SH3BGRL2: variants seen among roughly 807,000 people sequenced by gnomAD.
SH3BGRL2 encodes SH3 domain-binding glutamic acid-rich-like protein 2.
SH3BGRL2 carries 21 observed loss-of-function variants against 14.8 expected under a neutral mutation model. That is an observed-to-expected ratio of 1.42 (90% CI 1.01 to 2.05). The LOEUF (loss-of-function observed/expected upper bound fraction) is 2.05. SH3BGRL2 is among the 30% of genes most tolerant of loss of function. The pLI is 0.00. For synonymous variants in SH3BGRL2, 50 were observed against 47.8 expected, an observed-to-expected ratio of 1.05 and a Z score of -0.19; for missense variants, 147 against 130.8, an observed-to-expected ratio of 1.12 and a Z score of -0.61.
At chr6:79,592,969 G>T in the SH3BGRL2 span, among the ~76,000 whole-genome samples, 1 of 152,136 alleles carries the variant, frequency 6.6e-6, no homozygotes, top group Admixed American at 6.6e-5. Flanking sequence ...CCTTCTGCTG[G>T]GCGTAGAACA....
chr6:79,606,911 A>G, the SH3BGRL2 span, among the ~76,000 whole-genome samples: 2 of 152,064 alleles, frequency 1.3e-5, no homozygotes, highest in African/African-American at 4.8e-5. Flanking sequence ...GATAGACATA[A>G]ATATTTTTCC....
chr6:79,648,345 T>C (rs911436036), intron 1 of SH3BGRL2, among the ~76,000 whole-genome samples: 12 of 143,508 alleles, frequency 8.4e-5, no homozygotes, highest in Middle Eastern at 3.6e-3. Context: ...ATATATATAA[T>C]ATATATATAT....
the SH3BGRL2 span, among the ~76,000 whole-genome samples, chr6:79,584,244 G>A: frequency 6.6e-6 from 1 of 152,104 alleles, no homozygotes; most frequent in African/African-American, 2.4e-5. Flanking sequence ...AGTAGTCAAA[G>A]CTCACATGAG....
the SH3BGRL2 span, among the ~76,000 whole-genome samples, chr6:79,622,824 T>C: frequency 2.6e-5 from 4 of 152,194 alleles, no homozygotes. Flanking sequence ...TTTAAAGAAA[T>C]GCAAATTGCT....
At chr6:79,695,146 C>T (rs1420045465) in intron 2 of SH3BGRL2, among the ~76,000 whole-genome samples, 2 of 152,170 alleles carry the variant, frequency 1.3e-5, no homozygotes, top group Non-Finnish European at 2.9e-5. Context: ...ACTTGGCTAA[C>T]TCTATTCATC....
chr6:79,634,161 A>G (rs968913194), intron 1 of SH3BGRL2, among the ~76,000 whole-genome samples: 1 of 152,220 alleles, frequency 6.6e-6, no homozygotes, highest in Non-Finnish European at 1.5e-5. Flanking sequence ...ATAGATTTAA[A>G]CAATCTATTT....
At chr6:79,606,848 T>A in the SH3BGRL2 span, among the ~76,000 whole-genome samples, 25 of 152,292 alleles carry the variant, frequency 1.6e-4, no homozygotes, top group African/African-American at 5.5e-4. Flanking sequence ...GAAAACAATT[T>A]CAGCTTTAGA....
chr6:79,572,209 C>T, the SH3BGRL2 span, among the ~76,000 whole-genome samples: 1 of 152,096 alleles, frequency 6.6e-6, no homozygotes, highest in Non-Finnish European at 1.5e-5. Context: ...CAATTTATTT[C>T]CTCATTATGT....
chr6:79,665,622 A>G (rs1166754656), intron 1 of SH3BGRL2, among the ~76,000 whole-genome samples: 1 of 152,228 alleles, frequency 6.6e-6, no homozygotes, highest in Non-Finnish European at 1.5e-5. Context: ...AAGAAAACCA[A>G]AGTTAAAAGT....
chr6:79,563,519 G>A, the SH3BGRL2 span, among the ~76,000 whole-genome samples: 1 of 152,060 alleles, frequency 6.6e-6, no homozygotes, highest in Non-Finnish European at 1.5e-5. Flanking sequence ...TAGGAAATGT[G>A]ACACAAGCAG....
chr6:79,652,748 T>A (rs1031577369), intron 1 of SH3BGRL2, among the ~76,000 whole-genome samples: 2 of 145,092 alleles, frequency 1.4e-5, no homozygotes, highest in East Asian at 1.9e-4. Context: ...CTTTTAGAAA[T>A]TTTTTTTTTA....
chr6:79,578,535 C>T, the SH3BGRL2 span, among the ~76,000 whole-genome samples: 1 of 151,950 alleles, frequency 6.6e-6, no homozygotes, highest in Admixed American at 6.6e-5. Context: ...CAGCAAACCC[C>T]AACAGATCTG....
chr6:79,643,189 A>C (rs557984110), intron 1 of SH3BGRL2, among the ~76,000 whole-genome samples: 2 of 152,324 alleles, frequency 1.3e-5, no homozygotes, highest in African/African-American at 4.8e-5. Flanking sequence ...ACACAGGGTA[A>C]TTAAGTAGCA....
chr6:79,607,421 T>G, the SH3BGRL2 span, among the ~76,000 whole-genome samples: 1 of 152,144 alleles, frequency 6.6e-6, no homozygotes, highest in Non-Finnish European at 1.5e-5. Flanking sequence ...TTGCTTCCTT[T>G]TCTTCTACTT....
rs373404859 is a variant in SH3BGRL2, at chr6:79,641,150, TTGTGTGTGTGTG to T, written c.45+9679_45+9690del. On this transcript the variant is annotated intron_variant, in intron 1 of 3. Coordinates refer to ENST00000369838, the MANE Select transcript of SH3BGRL2 (RefSeq NM_031469.4). ...AAAGCTCAGTGGTTCTCTCACCCTT[TTGTGTGTGTGTG>T]TGTGTGTGTGTGTGTGTGTGTGTGT... Among the ~76,000 whole-genome samples the T allele has an allele frequency of 4.8e-3, 678 of 141,302 alleles. 11 individuals carry two copies. The highest frequency in any genetic ancestry group is 6.3e-3 in the South Asian group (27 of 4,300). The allele number at this position is 141,302 out of a possible 152,430, so 92.7% of individuals were successfully genotyped here.
Position 79,631,523 on chromosome 6 carries a change from C to A in SH3BGRL2, c.45+17C>A. Reference sequence around the variant, plus strand: ...TTCGTGGCGGTGAGCGCGGTGGGGGCGGGCAGTAGGTTGGGGTCGCGGGGC... The same window carrying A: ...TTCGTGGCGGTGAGCGCGGTGGGGGAGGGCAGTAGGTTGGGGTCGCGGGGC... On this transcript the variant is annotated intron_variant, in intron 1 of 3. Transcript: ENST00000369838. The A allele has an allele frequency of 1.4e-6, 2 of 1,444,662 alleles. No homozygotes were observed. Among genetic ancestry groups the A allele is most frequent in the Non-Finnish European group, 1.8e-6 (2 of 1,091,684 alleles). The allele number at this position is 1,444,662 out of a possible 1,614,324, so 89.5% of individuals were successfully genotyped here. A position where few individuals can be genotyped will look rare whatever the true frequency, so the allele number is the denominator to read the frequency against.
chr6:79,635,758 G>A (rs940199683), intron 1 of SH3BGRL2, among the ~76,000 whole-genome samples: 1 of 152,232 alleles, frequency 6.6e-6, no homozygotes. Flanking sequence ...ATCATGGATA[G>A]GACTTCAAGT....
upstream of SH3BGRL2, among the ~76,000 whole-genome samples, chr6:79,628,282 T>C (rs1247263728): frequency 6.6e-6 from 1 of 152,014 alleles, no homozygotes; most frequent in East Asian, 1.9e-4. Flanking sequence ...AGAAACTTTT[T>C]TTTTTTGAGA....
intron 1 of SH3BGRL2, among the ~76,000 whole-genome samples, chr6:79,659,923 T>G (rs1170236815): frequency 8.7e-6 from 1 of 115,562 alleles, no homozygotes; most frequent in East Asian, 2.1e-4. Flanking sequence ...AGTTCACTCG[T>G]GATTTGGCTC....
Sources: gnomAD v4.1 joint callset for allele counts (sites outside exome capture counted in the v4.1 genomes callset) on GRCh38, gnomAD v4.1.1 for gene constraint, MANE v1.5 for transcripts, NCBI Gene and HGNC (gene_info 2026-07-23, HGNC 2026-07-21) for gene names.